Variants in SYNPO2 observed in about 807,000 individuals in gnomAD.
SYNPO2 encodes the protein synaptopodin 2.
Under a neutral mutation model 85.0 loss-of-function variants are expected in SYNPO2, and 56 were observed. That is an observed-to-expected ratio of 0.66 (90% confidence interval 0.53 to 0.82). The LOEUF is 0.82. SYNPO2 is among the 40% of genes least tolerant of loss of function. SYNPO2 has a pLI of 0.00. For missense variants in SYNPO2, 1,575 were observed against 1,534.2 expected (o/e 1.03, Z -0.44); for synonymous variants, 602 against 591.1 (o/e 1.02, Z -0.27).
chr4:118,851,719 A>G (rs1369056317), intron 1 of SYNPO2, among the ~76,000 whole-genome samples: 1 of 152,174 alleles, frequency 6.6e-6, no homozygotes, highest in Non-Finnish European at 1.5e-5. Flanking sequence ...GAATAGTGGC[A>G]TTATTTTACA....
At chr4:118,855,702 T>A (rs928920571) in intron 1 of SYNPO2, among the ~76,000 whole-genome samples, 2 of 152,164 alleles carry the variant, frequency 1.3e-5, no homozygotes, top group African/African-American at 4.8e-5. Context: ...GACATGATAT[T>A]AGAGATGTTT....
intron 4 of SYNPO2, among the ~76,000 whole-genome samples, chr4:119,049,128 A>C (rs1454481510): frequency 6.6e-6 from 1 of 152,192 alleles, no homozygotes. Flanking sequence ...CAGTGCTGAC[A>C]GATCAGGTGT....
At chr4:119,047,446 G>C (rs564420411) in intron 4 of SYNPO2, among the ~76,000 whole-genome samples, 32 of 152,268 alleles carry the variant, frequency 2.1e-4, no homozygotes, top group African/African-American at 7.5e-4. Flanking sequence ...TGCCCTTCTT[G>C]GCAGACAGAA....
At chr4:118,924,415 A>T (rs544716555) in intron 1 of SYNPO2, among the ~76,000 whole-genome samples, 31 of 152,326 alleles carry the variant, frequency 2.0e-4, no homozygotes, top group Middle Eastern at 3.4e-3. Flanking sequence ...GAGCATTCTG[A>T]GTAACAATGT....
At chr4:118,865,364 G>C (rs1375167910) in intron 1 of SYNPO2, among the ~76,000 whole-genome samples, 1 of 152,234 alleles carries the variant, frequency 6.6e-6, no homozygotes, top group Non-Finnish European at 1.5e-5. Context: ...GGCGATTTGA[G>C]ATTTTTGTGC....
intron 1 of SYNPO2, among the ~76,000 whole-genome samples, chr4:118,946,434 A>G (rs373651707): frequency 2.8e-4 from 35 of 124,894 alleles, no homozygotes; most frequent in African/African-American, 8.7e-4. Context: ...TGATTAGGAA[A>G]GGTCAGTGAG....
At chr4:118,860,927 T>C (rs1219545962) in intron 1 of SYNPO2, among the ~76,000 whole-genome samples, 1 of 152,240 alleles carries the variant, frequency 6.6e-6, no homozygotes, top group Non-Finnish European at 1.5e-5. Flanking sequence ...ATATTCTGGT[T>C]ATTAATCCCT....
intron 4 of SYNPO2, chr4:119,037,397 A>G (rs568797889): frequency 1.9e-5 from 23 of 1,210,260 alleles, no homozygotes; most frequent in Middle Eastern, 3.3e-4. Context: ...AAAAAAATTC[A>G]CATTCTAAGA....
chr4:119,037,581 A>G, intron 4 of SYNPO2: 1 of 988,756 alleles, frequency 1.0e-6, no homozygotes, highest in Non-Finnish European at 1.2e-6. Context: ...AGTCAGGATG[A>G]CATGAGTGGG....
At chr4:118,956,447 C>T (rs1734878945) in intron 1 of SYNPO2, among the ~76,000 whole-genome samples, 1 of 152,184 alleles carries the variant, frequency 6.6e-6, no homozygotes, top group African/African-American at 2.4e-5. Context: ...AATCTGCAAA[C>T]TCACATTACA....
At chr4:118,952,969 G>T (rs767242106) in intron 1 of SYNPO2, among the ~76,000 whole-genome samples, 5 of 152,106 alleles carry the variant, frequency 3.3e-5, no homozygotes, top group Non-Finnish European at 7.4e-5. Context: ...AGTGGAGTCA[G>T]GATTCTAACC....
chr4:118,919,838 T>A (rs1030978626), intron 1 of SYNPO2, among the ~76,000 whole-genome samples: 1 of 152,216 alleles, frequency 6.6e-6, no homozygotes, highest in Non-Finnish European at 1.5e-5. Context: ...AGAGGCTCAC[T>A]ATGCAGCAAA....
At chr4:118,973,790 C>G (rs1005805106) in intron 1 of SYNPO2, among the ~76,000 whole-genome samples, 2 of 152,134 alleles carry the variant, frequency 1.3e-5, no homozygotes, top group African/African-American at 2.4e-5. Flanking sequence ...CTAAAAGAAG[C>G]CTAGTTTGGT....
intron 1 of SYNPO2, among the ~76,000 whole-genome samples, chr4:118,927,699 GATA>G (rs1733762385): frequency 1.9e-5 from 1 of 52,978 alleles, no homozygotes; most frequent in Non-Finnish European, 4.5e-5. Context: ...TAAACAATGA[GATA>G]GATAGATAGA....
At position 118,931,900 on chromosome 4, in the gene SYNPO2, G is replaced by A. The variant is rs571040797; in HGVS notation, c.105+42759G>A. Among the ~76,000 whole-genome samples the A allele has an allele frequency of 4.6e-5, 7 of 152,268 alleles. No homozygotes were observed. The South Asian group carries it at 1.2e-3, about 27-fold the overall frequency. On this transcript the variant is annotated intron_variant, in intron 1 of 4. Coordinates refer to ENST00000307142, the MANE Select transcript of SYNPO2 (RefSeq NM_133477.3). ...TTCCTGGGTGAAAACTCCTTACTAC[G>A]TCAGTCAGTAATTTGAATTTGGTGA...
At position 119,031,714 on chromosome 4, in the gene SYNPO2, A is replaced by T. The variant is rs1274236649; in HGVS notation, c.2939A>T (p.Gln980Leu). Reference protein sequence around the residue: ...YQLNASLFTFQPPDAKDGLPQ... With the variant: ...YQLNASLFTFLPPDAKDGLPQ... ...CTCAATGCATCCTTGTTTACTTTCC[A>T]ACCTCCAGATGCAAAGGATGGCCTC... is the stretch of plus-strand genomic sequence containing the variant. The change falls in exon 4 of 5, where the codon CAA becomes CTA. Residue 980 changes from glutamine (Q) to leucine (L), a missense_variant. Coordinates refer to ENST00000307142, the MANE Select transcript of SYNPO2 (RefSeq NM_133477.3). The T allele has an allele frequency of 2.5e-6, 4 of 1,614,214 alleles. No individual in the cohort carries two copies. The highest frequency in any genetic ancestry group is 3.4e-6 in the Non-Finnish European group (4 of 1,180,040).
In SYNPO2 at chr4:119,026,659, C is replaced by T. The variant is rs1361460018; in HGVS notation, c.290C>T (p.Ser97Phe). The T allele has an allele frequency of 1.2e-6, 2 of 1,611,220 alleles. No homozygotes were observed. Among genetic ancestry groups the T allele is most frequent in the South Asian group, 1.1e-5 (1 of 90,748 alleles). Residue 97 changes from serine (S) to phenylalanine (F), a missense_variant, in exon 3 of 5, where the codon TCT (serine) becomes TTT (phenylalanine). Around this residue, in one of 3 missense-constraint regions of SYNPO2, gnomAD observed 1,508 missense variants for 1,446.8 expected, o/e 1.04. Transcript: ENST00000307142. ...PSSGISEALI[S>F]ENENKNLEHL... Reference sequence around the variant, plus strand: ...AGTGGAATAAGTGAGGCTTTGATATCTGAAAATGAAAACAAAAACCTCGAG... The same window carrying T: ...AGTGGAATAAGTGAGGCTTTGATATTTGAAAATGAAAACAAAAACCTCGAG...
At chr4:118,991,566 G>C (rs144374031) in intron 1 of SYNPO2, among the ~76,000 whole-genome samples, 27 of 152,346 alleles carry the variant, frequency 1.8e-4, no homozygotes, top group African/African-American at 6.5e-4. Context: ...CAAAGTCTAA[G>C]ATTGAAGTGA....
chr4:118,894,630 G>A (rs370095486), intron 1 of SYNPO2, among the ~76,000 whole-genome samples: 8 of 151,952 alleles, frequency 5.3e-5, no homozygotes, highest in African/African-American at 1.9e-4. Flanking sequence ...AGAAAAGGGA[G>A]GAAGAAGAGA....
Sources: allele counts gnomAD v4.1 joint callset (sites outside exome capture counted in the v4.1 genomes callset), GRCh38; gene constraint gnomAD v4.1.1; regional missense constraint gnomAD v4.1.1; transcripts MANE v1.5; gene names NCBI Gene and HGNC (gene_info 2026-07-23, HGNC 2026-07-21).